Variants in OSER1 observed in about 807,000 individuals in gnomAD.
OSER1 encodes the protein oxidative stress responsive serine rich 1, also known as oxidative stress-responsive serine-rich protein 1.
OSER1 carries 15 observed loss-of-function variants against 26.3 expected under a neutral mutation model. That is an observed-to-expected ratio of 0.57 (90% CI 0.38 to 0.88). The LOEUF (loss-of-function observed/expected upper bound fraction) is 0.88, where lower values mean the gene tolerates loss of function less well. Ranked by LOEUF, OSER1 falls within the 40% of genes least tolerant of loss-of-function variation. OSER1 has a pLI of 0.00. For synonymous variants in OSER1, 127 were observed against 128.2 expected, an observed-to-expected ratio of 0.99 and a Z score of 0.07; for missense variants, 313 against 353.9, an observed-to-expected ratio of 0.88 and a Z score of 0.93.
intron 2 of OSER1, among the ~76,000 whole-genome samples, 188 bp downstream of exon 2, chr20:44,206,693 T>A (rs2073041326): frequency 6.6e-6 from 1 of 152,208 alleles, no homozygotes; most frequent in Non-Finnish European, 1.5e-5. Context: ...TTTTCAAATT[T>A]AACCAAAGGG....
At chr20:44,210,448 C>T (rs2073091190) in intron 1 of OSER1, among the ~76,000 whole-genome samples, 1 of 152,100 alleles carries the variant, frequency 6.6e-6, no homozygotes. Flanking sequence ...AGGAGCGAGA[C>T]GGGGCGGGGG....
upstream of OSER1, chr20:44,210,854 C>T (rs2073099479): frequency 2.6e-5 from 4 of 152,298 alleles, no homozygotes. Context: ...GCACCCCTCC[C>T]CCTGCTTATG....
chr20:44,206,040 A>C (rs1429147843), intron 2 of OSER1, among the ~76,000 whole-genome samples: 2 of 152,098 alleles, frequency 1.3e-5, no homozygotes, highest in Non-Finnish European at 2.9e-5. Context: ...ACTTTTAGCA[A>C]GTAATTTAAT....
intron 3 of OSER1, 126 bp downstream of exon 3, chr20:44,202,835 G>A (rs761462748): frequency 3.2e-5 from 16 of 506,124 alleles, no homozygotes; most frequent in Non-Finnish European, 5.3e-5. Flanking sequence ...GAAGGAATAG[G>A]TCCTCATCTA....
At chr20:44,208,838 C>T (rs998055111) in intron 1 of OSER1, among the ~76,000 whole-genome samples, 2 of 152,208 alleles carry the variant, frequency 1.3e-5, no homozygotes, top group Admixed American at 6.5e-5. Flanking sequence ...ATCTCCCCAA[C>T]CCGCAGACCG....
rs775611315 is a variant in OSER1, at chr20:44,198,781, T to C, written c.192-1042A>G. Among the ~76,000 whole-genome samples the C allele has an allele frequency of 1.0e-3, 159 of 152,360 alleles. 2 individuals are homozygous for C. The highest frequency in any genetic ancestry group is 4.6e-4 in the Admixed American group (7 of 15,302). ...ATCCCATCTTATCCATGGTTTCGCT[T>C]TCTACAGTTTCAGTTACCTGCAGTC... On this transcript the variant is annotated intron_variant, in intron 3 of 3. Transcript: ENST00000255174.
In OSER1 at chr20:44,197,249, G is replaced by A; in HGVS notation, c.682C>T (p.Pro228Ser). The change falls in exon 4 of 4, where the codon CCA becomes TCA. Residue 228 changes from proline (P) to serine (S), a missense_variant. Around this residue, in one of 2 missense-constraint regions of OSER1, gnomAD observed 300 missense variants for 318.3 expected, o/e 0.94. Coordinates refer to ENST00000255174, the MANE Select transcript of OSER1 (RefSeq NM_016470.8). ...SGLQSVPPLAPERRSTLEDYS... is the reference protein window; with the variant it reads ...SGLQSVPPLASERRSTLEDYS... ...TCCTCAAGTGTGGATCTTCGTTCTG[G>A]AGCCAAGGGAGGGACACTCTGCAGG... 1.2e-6 allele frequency: 2 copies of A among 1,614,080 alleles called. No homozygotes were observed. The highest frequency in any genetic ancestry group is 1.3e-5 in the African/African-American group (1 of 75,050).
chr20:44,202,855 T>C, intron 3 of OSER1, 106 bp downstream of exon 3: 1 of 613,276 alleles, frequency 1.6e-6, no homozygotes, highest in East Asian at 2.8e-5. Context: ...AATCATTGGG[T>C]CTTAGGTTCT....
chr20:44,203,390 T>C (rs1600494697), intron 2 of OSER1, among the ~76,000 whole-genome samples: 3 of 152,292 alleles, frequency 2.0e-5, no homozygotes, highest in African/African-American at 7.2e-5. Flanking sequence ...ACACTGACCA[T>C]TTATCTTATG....
Position 44,197,336 on chromosome 20 carries a change from A to G in OSER1, c.595T>C (p.Cys199Arg). The G allele has an allele frequency of 2.5e-6, 4 of 1,614,228 alleles. No homozygotes were observed. The highest frequency in any genetic ancestry group is 3.4e-6 in the Non-Finnish European group (4 of 1,180,020). Residue 199 changes from cysteine (C) to arginine (R), a missense_variant, in exon 4 of 4, where the codon TGC becomes CGC. Around this residue, in one of 2 missense-constraint regions of OSER1, gnomAD observed 300 missense variants for 318.3 expected, o/e 0.94. Transcript: ENST00000255174. Reference sequence around the variant, plus strand: ...TTACACTGGCATTCCTTGCCTATGCATGTGCATGGCTTGCCCTGGTTTAGC... The same window carrying G: ...TTACACTGGCATTCCTTGCCTATGCGTGTGCATGGCTTGCCCTGGTTTAGC... Reference protein sequence around the residue: ...SKLNQGKPCTCIGKECQCKRW... With the variant: ...SKLNQGKPCTRIGKECQCKRW...
Position 44,197,760 on chromosome 20 carries a change from A to G in OSER1, c.192-21T>C, listed in dbSNP as rs368625214. The stretch of plus-strand genomic sequence containing the variant: ...TAGACCTAAAGAGGAAAAAAAATAT[A>G]CAAGAAGATGTTGGGATATGGAGCT... On this transcript the variant is annotated intron_variant, in intron 3 of 3. Transcript: ENST00000255174. 3.3e-6 allele frequency: 5 copies of G among 1,529,240 alleles called. No homozygotes were observed. In the South Asian group the frequency reaches 3.4e-5, roughly 10 times the overall value. The allele number at this position is 1,529,240 out of a possible 1,614,324, so 94.7% of individuals were successfully genotyped here.
At chr20:44,200,261 C>A (rs552595987) in intron 3 of OSER1, among the ~76,000 whole-genome samples, 1 of 152,174 alleles carries the variant, frequency 6.6e-6, no homozygotes, top group South Asian at 2.1e-4. Context: ...GAGATCTGAG[C>A]CTCACTGGGA....
At chr20:44,210,033 C>CGA (rs1412909103) in intron 1 of OSER1, 1 of 152,342 alleles carries the variant, frequency 6.6e-6, no homozygotes, top group Non-Finnish European at 1.5e-5. Context: ...ACCCACTCAT[C>CGA]CCTTTATACT....
intron 1 of OSER1, chr20:44,207,717 T>C (rs1309243216): frequency 1.3e-5 from 2 of 152,230 alleles, no homozygotes; most frequent in Non-Finnish European, 2.9e-5. Context: ...AACTTCTCTT[T>C]AGCCTAAAGA....
chr20:44,200,957 T>C (rs1206442907), intron 3 of OSER1, among the ~76,000 whole-genome samples: 4 of 151,394 alleles, frequency 2.6e-5, no homozygotes. Flanking sequence ...TCTAGAAATA[T>C]AATGTCAACT....
intron 2 of OSER1, among the ~76,000 whole-genome samples, chr20:44,204,898 CATG>C (rs2073023736): frequency 6.6e-6 from 1 of 151,876 alleles, no homozygotes; most frequent in South Asian, 2.1e-4. Flanking sequence ...AGTGCAGTGG[CATG>C]ATCTCAGCTC....
chr20:44,207,967 A>T (rs1477621863), intron 1 of OSER1, among the ~76,000 whole-genome samples: 1 of 152,234 alleles, frequency 6.6e-6, no homozygotes, highest in Non-Finnish European at 1.5e-5. Flanking sequence ...ATTAGTACCA[A>T]ATTTTGAATA....
At chr20:44,209,562 A>G (rs2073076175) in intron 1 of OSER1, among the ~76,000 whole-genome samples, 1 of 152,222 alleles carries the variant, frequency 6.6e-6, no homozygotes, top group African/African-American at 2.4e-5. Context: ...GAACTCGTGA[A>G]GTTGAACAAT....
rs2072920186 is a variant in OSER1, at chr20:44,196,446, T to C, written c.*606A>G. On this transcript the variant is annotated 3_prime_UTR_variant, in exon 4 of 4. Transcript: ENST00000255174. ...TGCATGTAACATGTCTTAGGATGAATAGCACCAGCAGGGGCTTATTTAGTG... is the reference window on the plus strand; with the variant it reads ...TGCATGTAACATGTCTTAGGATGAACAGCACCAGCAGGGGCTTATTTAGTG... 6.6e-6 allele frequency: 1 copy of C among 152,326 alleles called. No individual in the cohort carries two copies. Among genetic ancestry groups the C allele is most frequent in the African/African-American group, 2.4e-5 (1 of 41,440 alleles). 9.4% of individuals were successfully genotyped at this position (152,326 alleles called of 1,614,324 possible). A position where few individuals can be genotyped will look rare whatever the true frequency, so the allele number is the denominator to read the frequency against.
Sources: allele counts gnomAD v4.1 joint callset (sites outside exome capture counted in the v4.1 genomes callset), GRCh38; gene constraint gnomAD v4.1.1; regional missense constraint gnomAD v4.1.1; transcripts MANE v1.5; gene names NCBI Gene and HGNC (gene_info 2026-07-23, HGNC 2026-07-21).